Variants in PLAAT4 observed in about 807,000 individuals in gnomAD.
PLAAT4 encodes HRAS-like suppressor 4.
In PLAAT4, 12 loss-of-function variants were observed where a neutral mutation model predicts 14.1. The observed-to-expected ratio is 0.85, with a 90% CI of 0.54 to 1.37. The LOEUF (loss-of-function observed/expected upper bound fraction) is 1.37. Ranked by LOEUF, PLAAT4 falls within the 40% of genes most tolerant of loss-of-function variation. PLAAT4 has a pLI of 0.00. For synonymous variants in PLAAT4, 77 were observed against 79.8 expected (o/e 0.96, Z 0.19); for missense variants, 163 against 211.7 (o/e 0.77, Z 1.43).
intron 1 of PLAAT4, 152 bp downstream of exon 1, chr11:63,537,029 A>G (rs1049788476): frequency 1.2e-5 from 12 of 1,013,514 alleles, no homozygotes; most frequent in African/African-American, 8.3e-5. Flanking sequence ...GTCTTTTAAA[A>G]GTGCATCTGC....
At chr11:63,539,115 C>T (rs1283880430) in intron 1 of PLAAT4, among the ~76,000 whole-genome samples, 1 of 152,124 alleles carries the variant, frequency 6.6e-6, no homozygotes, top group East Asian at 1.9e-4. Flanking sequence ...CTGCAGAGGG[C>T]GGAGAGCTCA....
At chr11:63,539,487 G>T (rs2017303453) in intron 1 of PLAAT4, 29 bp from the exon 2 acceptor site, 1 of 1,583,480 alleles carries the variant, frequency 6.3e-7, no homozygotes. Flanking sequence ...AGAAGGCCGG[G>T]TACTCCATCT....
At chr11:63,540,465 T>C (rs1183898221) in intron 2 of PLAAT4, among the ~76,000 whole-genome samples, 1 of 152,030 alleles carries the variant, frequency 6.6e-6, no homozygotes, top group Non-Finnish European at 1.5e-5. Flanking sequence ...GAAGCAGAAA[T>C]ATGACATACC....
intron 2 of PLAAT4, among the ~76,000 whole-genome samples, chr11:63,540,475 C>T (rs966862209): frequency 2.0e-5 from 3 of 151,816 alleles, no homozygotes; most frequent in African/African-American, 4.8e-5. Flanking sequence ...TATGACATAC[C>T]CAGTTAAAAG....
chr11:63,538,395 C>T (rs1033550990), intron 1 of PLAAT4: 5 of 379,802 alleles, frequency 1.3e-5, no homozygotes, highest in Non-Finnish European at 2.6e-5. Context: ...CAGAGGCAGG[C>T]ATGGGGCTGC....
intron 2 of PLAAT4, among the ~76,000 whole-genome samples, chr11:63,540,512 T>C (rs758346920): frequency 6.8e-6 from 1 of 147,108 alleles, no homozygotes; most frequent in Non-Finnish European, 1.5e-5. Flanking sequence ...TATGTATGGA[T>C]AGCCAATGAA....
intron 3 of PLAAT4, 67 bp downstream of exon 3, chr11:63,544,956 G>C: frequency 6.2e-7 from 1 of 1,605,716 alleles, no homozygotes; most frequent in Non-Finnish European, 8.5e-7. Flanking sequence ...TGTGCAGCCA[G>C]GCGATCACTG....
chr11:63,542,761 CT>C (rs1185340285), intron 2 of PLAAT4, among the ~76,000 whole-genome samples: 1 of 152,174 alleles, frequency 6.6e-6, no homozygotes, highest in East Asian at 1.9e-4. Context: ...GCACTAGGTT[CT>C]ATCATCGTTG....
intron 1 of PLAAT4, among the ~76,000 whole-genome samples, chr11:63,538,798 G>A (rs986189579): frequency 3.9e-5 from 6 of 152,150 alleles, no homozygotes; most frequent in Non-Finnish European, 8.8e-5. Flanking sequence ...CTGATCCTCA[G>A]TTTCCCCATC....
intron 2 of PLAAT4, among the ~76,000 whole-genome samples, chr11:63,543,841 A>G (rs1231040809): frequency 6.6e-6 from 1 of 152,192 alleles, no homozygotes; most frequent in Admixed American, 6.5e-5. Flanking sequence ...AAGACACTTT[A>G]CAAAGGATTC....
rs1159121430 is a variant in PLAAT4, at chr11:63,536,837, A to C, written c.-32A>C. The C allele has an allele frequency of 1.9e-6, 3 of 1,604,498 alleles. No individual in the cohort carries two copies. In the African/African-American group the frequency reaches 4.0e-5, roughly 22 times the overall value. On this transcript the variant is annotated 5_prime_UTR_variant, in exon 1 of 4. Transcript: ENST00000255688. Reference sequence around the variant, plus strand: ...CAGCATAAAAGCTGATCCACAAACAAGAGGAGCACCAGACCTCCTCTTGGC... The same window carrying C: ...CAGCATAAAAGCTGATCCACAAACACGAGGAGCACCAGACCTCCTCTTGGC...
chr11:63,545,975 C>T (rs34332905), intron 3 of PLAAT4, among the ~76,000 whole-genome samples, 174 bp from the exon 4 acceptor site: 10 of 152,162 alleles, frequency 6.6e-5, no homozygotes, highest in Non-Finnish European at 1.2e-4. Context: ...ATACAACCAA[C>T]GGCTTCTCTG....
At chr11:63,539,441 C>A in intron 1 of PLAAT4, 75 bp from the exon 2 acceptor site, 2 of 1,231,164 alleles carry the variant, frequency 1.6e-6, no homozygotes, top group Non-Finnish European at 2.4e-6. Flanking sequence ...CCAGGATGAG[C>A]TGCAGCTCCC....
chr11:63,546,160 C>A lies in PLAAT4; in HGVS notation c.399C>A (p.Ala133=). 6.2e-7 allele frequency: 1 copy of A among 1,613,028 alleles called. No individual in the cohort carries two copies. The highest frequency in any genetic ancestry group is 8.5e-7 in the Non-Finnish European group (1 of 1,179,428). The change falls in exon 4 of 4, where the codon GCC becomes GCA. Residue 133 remains alanine, a synonymous_variant. Coordinates refer to ENST00000255688, the MANE Select transcript of PLAAT4 (RefSeq NM_004585.5). ...TGCTTGCTTTGCAGGTGGAAAAGGCCAAGGTTGAAGTCGGTGTGGCCACGG... is the reference window on the plus strand; with the variant it reads ...TGCTTGCTTTGCAGGTGGAAAAGGCAAAGGTTGAAGTCGGTGTGGCCACGG... ...GKSRCKQVEK[A]KVEVGVATAL...
chr11:63,546,054 A>G (rs2017362523), intron 3 of PLAAT4, 95 bp from the exon 4 acceptor site: 1 of 963,714 alleles, frequency 1.0e-6, no homozygotes, highest in Non-Finnish European at 1.7e-6. Flanking sequence ...GAGGCAGGAG[A>G]GAGGGGAGAG....
At chr11:63,542,012 A>C (rs2134357999) in intron 2 of PLAAT4, among the ~76,000 whole-genome samples, 1 of 152,320 alleles carries the variant, frequency 6.6e-6, no homozygotes, top group African/African-American at 2.4e-5. Context: ...TGTCTGTAAA[A>C]CCCTGTTATA....
intron 2 of PLAAT4, 69 bp downstream of exon 2, chr11:63,539,693 G>A: frequency 8.1e-7 from 1 of 1,235,470 alleles, no homozygotes; most frequent in Non-Finnish European, 1.1e-6. Flanking sequence ...CGGGCACGGT[G>A]GCTCATGCCT....
In PLAAT4 at chr11:63,542,797, T is replaced by G. The variant is rs551757579; in HGVS notation, c.119-1824T>G. ...GGCCACAGATTACCACAAAACATAATTTCTTAAATTCTGCACATTTCTAAT... is the reference window on the plus strand; with the variant it reads ...GGCCACAGATTACCACAAAACATAAGTTCTTAAATTCTGCACATTTCTAAT... On this transcript the variant is annotated intron_variant, in intron 2 of 3. Transcript: ENST00000255688. Among the ~76,000 whole-genome samples, 40 of 152,304 alleles carry G rather than the reference T, an allele frequency of 2.6e-4. No homozygotes were observed. The South Asian group carries it at 8.1e-3, about 31-fold the overall frequency.
intron 3 of PLAAT4, 179 bp downstream of exon 3, chr11:63,545,068 C>A: frequency 1.2e-6 from 1 of 831,084 alleles, no homozygotes; most frequent in Non-Finnish European, 1.9e-6. Context: ...GGTCTTTGGA[C>A]AGTTCCCTTC....
Sources: gnomAD v4.1 joint callset for allele counts (sites outside exome capture counted in the v4.1 genomes callset) on GRCh38, gnomAD v4.1.1 for gene constraint, MANE v1.5 for transcripts, NCBI Gene and HGNC (gene_info 2026-07-23, HGNC 2026-07-21) for gene names.